The following SLC25A26 variants were observed in gnomAD, a reference collection of about 807,000 sequenced individuals.
SLC25A26 encodes mitochondrial S-adenosylmethionine carrier protein.
A neutral mutation model predicts 37.8 loss-of-function variants in SLC25A26; 36 were observed. That is an observed-to-expected ratio of 0.95 (90% CI 0.73 to 1.26). SLC25A26 has a LOEUF of 1.26. SLC25A26 is among the 50% of genes most tolerant of loss of function. SLC25A26 has a pLI of 0.00. For synonymous variants in SLC25A26, 129 were observed against 122.5 expected, an observed-to-expected ratio of 1.05 and a Z score of -0.35; for missense variants, 390 against 331.1, an observed-to-expected ratio of 1.18 and a Z score of -1.38.
rs2075564815 is a variant in SLC25A26, at chr3:66,317,232, C to G, written c.454-29132C>G. On this transcript the variant is annotated intron_variant, in intron 5 of 9. Coordinates refer to ENST00000354883, the MANE Select transcript of SLC25A26 (RefSeq NM_001379210.1). ...CATTTTTGCATTGATTCTTTATCAT[C>G]TTCATGGGTTTATCTACCTTTGATT... 2.0e-5 allele frequency among the ~76,000 whole-genome samples: 3 copies of G among 152,200 alleles called. No homozygotes were observed. The South Asian group carries it at 6.2e-4, about 32-fold the overall frequency.
chr3:66,279,639 GGTTT>G (rs1392511261), intron 5 of SLC25A26, among the ~76,000 whole-genome samples: 1 of 152,028 alleles, frequency 6.6e-6, no homozygotes, highest in Non-Finnish European at 1.5e-5. Flanking sequence ...GTGTTTCACT[GGTTT>G]GTTTTTTATA....
intron 7 of SLC25A26, among the ~76,000 whole-genome samples, chr3:66,364,802 CTCT>C (rs147087871): frequency 0.048 from 7,327 of 152,218 alleles, 554 homozygotes; most frequent in African/African-American, 0.17. Flanking sequence ...CAACAGTCTC[CTCT>C]AATAGCTCGT....
At chr3:66,196,735 CTCTT>C (rs1467293195) in intron 1 of SLC25A26, among the ~76,000 whole-genome samples, 1,630 of 152,072 alleles carry the variant, frequency 0.011, 31 homozygotes, top group African/African-American at 0.037. Flanking sequence ...CAATTAGAAA[CTCTT>C]TCTGTAATTC....
At chr3:66,335,093 A>C (rs1480075732) in intron 5 of SLC25A26, among the ~76,000 whole-genome samples, 1 of 152,238 alleles carries the variant, frequency 6.6e-6, no homozygotes. Flanking sequence ...CAACCTGTGT[A>C]ACAACTGGGG....
intron 5 of SLC25A26, among the ~76,000 whole-genome samples, chr3:66,329,990 C>G (rs895583742): frequency 1.3e-5 from 2 of 152,138 alleles, no homozygotes; most frequent in African/African-American, 2.4e-5. Context: ...CACAGAGAAC[C>G]TCCTATGTGC....
chr3:66,315,897 G>A (rs186149825), intron 5 of SLC25A26, among the ~76,000 whole-genome samples: 36 of 152,132 alleles, frequency 2.4e-4, no homozygotes, highest in African/African-American at 7.7e-4. Context: ...AATGTTTGTT[G>A]GTTTAAAGTC....
intron 6 of SLC25A26, among the ~76,000 whole-genome samples, chr3:66,351,124 G>A (rs2107759446): frequency 6.6e-6 from 1 of 152,226 alleles, no homozygotes; most frequent in Middle Eastern, 3.4e-3. Context: ...AGAATGCAAA[G>A]ATGAATAAGA....
At chr3:66,253,265 G>C (rs541618905) in intron 3 of SLC25A26, among the ~76,000 whole-genome samples, 1 of 151,690 alleles carries the variant, frequency 6.6e-6, no homozygotes, top group Non-Finnish European at 1.5e-5. Context: ...AAAAAAGTTA[G>C]TCGGGCATGG....
At chr3:66,341,494 G>A (rs2076208801) in intron 5 of SLC25A26, among the ~76,000 whole-genome samples, 1 of 152,120 alleles carries the variant, frequency 6.6e-6, no homozygotes, top group South Asian at 2.1e-4. Context: ...GTAGAATGTG[G>A]AAAAAGAAAA....
At chr3:66,259,156 C>T (rs2073423207) in intron 3 of SLC25A26, among the ~76,000 whole-genome samples, 1 of 152,180 alleles carries the variant, frequency 6.6e-6, no homozygotes, top group Non-Finnish European at 1.5e-5. Context: ...GAGTCGGAAG[C>T]TGGGCTGCCA....
chr3:66,342,835 A>G (rs151020207), intron 5 of SLC25A26, among the ~76,000 whole-genome samples: 1 of 152,124 alleles, frequency 6.6e-6, no homozygotes, highest in Non-Finnish European at 1.5e-5. Flanking sequence ...TGTGTCTTTG[A>G]TGGTAGCTGG....
intron 1 of SLC25A26, among the ~76,000 whole-genome samples, chr3:66,208,026 A>G (rs2071203121): frequency 6.6e-6 from 1 of 152,226 alleles, no homozygotes; most frequent in African/African-American, 2.4e-5. Context: ...GGCAACTTAT[A>G]TATTGCATGG....
chr3:66,315,755 T>C (rs1347186936), intron 5 of SLC25A26, among the ~76,000 whole-genome samples: 1 of 152,150 alleles, frequency 6.6e-6, no homozygotes, highest in East Asian at 1.9e-4. Context: ...GTAAATCTCT[T>C]TGTAGGTATC....
At chr3:66,234,219 G>C (rs1203843225) in intron 1 of SLC25A26, among the ~76,000 whole-genome samples, 1 of 152,106 alleles carries the variant, frequency 6.6e-6, no homozygotes. Flanking sequence ...CAGCCTCCCA[G>C]GTAGCTGGGA....
intron 1 of SLC25A26, among the ~76,000 whole-genome samples, chr3:66,182,327 G>A (rs929423117): frequency 6.6e-6 from 1 of 152,078 alleles, no homozygotes; most frequent in African/African-American, 2.4e-5. Context: ...CCCAAAAGCT[G>A]TTATTCTCAT....
At chr3:66,274,581 G>T (rs2074068479) in intron 5 of SLC25A26, among the ~76,000 whole-genome samples, 1 of 152,200 alleles carries the variant, frequency 6.6e-6, no homozygotes, top group African/African-American at 2.4e-5. Flanking sequence ...CCATCAAAAA[G>T]TAGGCAAAGG....
intron 1 of SLC25A26, among the ~76,000 whole-genome samples, chr3:66,233,805 A>C (rs183859648): frequency 9.8e-5 from 15 of 152,334 alleles, no homozygotes; most frequent in African/African-American, 3.6e-4. Flanking sequence ...CCAGACAAGT[A>C]AATTGAATCT....
chr3:66,190,788 A>G (rs2070927023), intron 1 of SLC25A26, among the ~76,000 whole-genome samples: 1 of 152,224 alleles, frequency 6.6e-6, no homozygotes, highest in African/African-American at 2.4e-5. Context: ...GTTCACATAA[A>G]TACAATTTTC....
chr3:66,264,006 G>A (rs796186484), intron 5 of SLC25A26, among the ~76,000 whole-genome samples: 7 of 152,184 alleles, frequency 4.6e-5, no homozygotes, highest in East Asian at 2.0e-4. Flanking sequence ...CGGGTCAGGC[G>A]TGGTAGCTCA....
Sources: allele counts gnomAD v4.1 joint callset (sites outside exome capture counted in the v4.1 genomes callset), GRCh38; gene constraint gnomAD v4.1.1; transcripts MANE v1.5; gene names NCBI Gene and HGNC (gene_info 2026-07-23, HGNC 2026-07-21).